KAT7: variants seen among roughly 807,000 people sequenced by gnomAD.
KAT7 encodes the protein lysine acetyltransferase 7.
Under a neutral mutation model 82.1 loss-of-function variants are expected in KAT7, and 10 were observed. The ratio of observed to expected loss-of-function variants is 0.12; its 90% confidence interval spans 0.08 to 0.21. The LOEUF (loss-of-function observed/expected upper bound fraction) is 0.21. Ranked by LOEUF, KAT7 falls within the 10% of genes least tolerant of loss-of-function variation. KAT7 has a pLI of 1.00. For missense variants in KAT7, 378 were observed against 760.9 expected (o/e 0.50, Z 5.92); for synonymous variants, 250 against 262.5 (o/e 0.95, Z 0.46).
At chr17:49,821,918 TAA>T (rs373603649) in intron 11 of KAT7, 128 bp downstream of exon 11, 21,256 of 607,286 alleles carry the variant, frequency 0.035, no homozygotes, top group South Asian at 0.047. Context: ...TTCCTTAAAT[TAA>T]AAAAAAAAAA....
intron 2 of KAT7, chr17:49,795,230 G>A (rs78982875): frequency 0.023 from 3,587 of 154,844 alleles, 134 homozygotes; most frequent in African/African-American, 0.081. Flanking sequence ...CAATGTATAC[G>A]TCTATCAGAA....
chr17:49,823,428 A>C, intron 12 of KAT7, 133 bp downstream of exon 12: 1 of 618,966 alleles, frequency 1.6e-6, no homozygotes, highest in Non-Finnish European at 2.9e-6. Flanking sequence ...ATGAATGAAC[A>C]AGTAGGAAAA....
intron 7 of KAT7, among the ~76,000 whole-genome samples, chr17:49,813,124 T>C (rs1165106804): frequency 6.6e-6 from 1 of 151,804 alleles, no homozygotes; most frequent in East Asian, 1.9e-4. Flanking sequence ...AATGATCTTA[T>C]CCTGTCACCC....
chr17:49,805,338 G>A, intron 4 of KAT7, 25 bp from the exon 5 acceptor site: 1 of 1,505,350 alleles, frequency 6.6e-7, no homozygotes, highest in Non-Finnish European at 9.2e-7. Flanking sequence ...TCTTTCTTGA[G>A]ATTAAGTTTT....
At chr17:49,791,828 A>G in intron 1 of KAT7, 58 bp from the exon 2 acceptor site, 3 of 1,539,090 alleles carry the variant, frequency 1.9e-6, no homozygotes, top group Non-Finnish European at 2.7e-6. Context: ...TTTCAATGTT[A>G]ATGCAAACTC....
rs2074418837 is a variant in KAT7, at chr17:49,830,750, C to T, written c.*3248C>T. The T allele has an allele frequency of 6.6e-6, 1 of 152,180 alleles. No individual in the cohort carries two copies. Among genetic ancestry groups the T allele is most frequent in the African/African-American group, 2.4e-5 (1 of 41,414 alleles). The allele number at this position is 152,180 out of a possible 1,614,324, so 9.4% of individuals were successfully genotyped here. ...AGCAGCAAAGCCAGAAACTTCAATT[C>T]TGGTCTGTCTACCTTGATAGCCTGC... is the stretch of plus-strand genomic sequence containing the variant. On this transcript the variant is annotated 3_prime_UTR_variant, in exon 15 of 15. Transcript: ENST00000259021.
At chr17:49,789,023 C>G in intron 1 of KAT7, 174 bp downstream of exon 1, 1 of 507,458 alleles carries the variant, frequency 2.0e-6, no homozygotes, top group Non-Finnish European at 3.4e-6. Context: ...CCGACCCTGG[C>G]CTCGGCCTAT....
intron 7 of KAT7, among the ~76,000 whole-genome samples, chr17:49,813,000 CTTTTTTTTTT>C (rs34339283): frequency 9.7e-6 from 1 of 102,796 alleles, no homozygotes; most frequent in African/African-American, 3.8e-5. Context: ...TGCACCCAGC[CTTTTTTTTTT>C]TTTTTTTTTT....
intron 9 of KAT7, among the ~76,000 whole-genome samples, chr17:49,818,761 G>A (rs1167998672): frequency 6.6e-6 from 1 of 151,114 alleles, no homozygotes; most frequent in Non-Finnish European, 1.5e-5. Flanking sequence ...TTTTTTGAGA[G>A]GGAGTCTTGC....
chr17:49,800,685 G>A (rs34290309), intron 4 of KAT7, among the ~76,000 whole-genome samples: 4,682 of 152,168 alleles, frequency 0.031, 114 homozygotes, highest in Non-Finnish European at 0.04. Context: ...TAAGTTATGA[G>A]GATGTAGCTA....
intron 7 of KAT7, among the ~76,000 whole-genome samples, chr17:49,811,891 A>C (rs2074170561): frequency 6.6e-6 from 1 of 152,226 alleles, no homozygotes; most frequent in African/African-American, 2.4e-5. Context: ...ATGGCACTGG[A>C]AATGTCTGTA....
chr17:49,792,685 A>G (rs929220674), intron 2 of KAT7, among the ~76,000 whole-genome samples: 4 of 152,232 alleles, frequency 2.6e-5, no homozygotes, highest in African/African-American at 9.6e-5. Flanking sequence ...GCAATATTCA[A>G]CACTTTATTA....
chr17:49,809,794 T>C (rs2074138870), intron 6 of KAT7, among the ~76,000 whole-genome samples: 1 of 152,196 alleles, frequency 6.6e-6, no homozygotes, highest in Admixed American at 6.5e-5. Context: ...CAAGAACAGA[T>C]GGTATTTTCT....
chr17:49,789,027 G>C, intron 1 of KAT7, 178 bp downstream of exon 1: 1 of 486,938 alleles, frequency 2.1e-6, no homozygotes, highest in Non-Finnish European at 3.6e-6. Flanking sequence ...CCCTGGCCTC[G>C]GCCTATGCTT....
chr17:49,798,736 A>G (rs1010112997), intron 4 of KAT7, among the ~76,000 whole-genome samples, 178 bp downstream of exon 4: 2 of 152,232 alleles, frequency 1.3e-5, no homozygotes, highest in African/African-American at 4.8e-5. Context: ...CCGATGGTCC[A>G]TAATAATAGA....
chr17:49,801,357 G>A lies in KAT7; in HGVS notation c.580+2799G>A, dbSNP rs146786962. Among the ~76,000 whole-genome samples, 52 of 152,164 alleles carry A rather than the reference G, an allele frequency of 3.4e-4. 1 individual carries two copies. Among genetic ancestry groups the A allele is most frequent in the African/African-American group, 1.2e-3 (49 of 41,500 alleles). On this transcript the variant is annotated intron_variant, in intron 4 of 14. Coordinates refer to ENST00000259021, the MANE Select transcript of KAT7 (RefSeq NM_007067.5). ...GTGCCACCACGCCTGGCTAATTTTT[G>A]TATTTTTTAGTAGAGACAGGGCTTT...
At chr17:49,792,198 A>T (rs1338338424) in intron 2 of KAT7, among the ~76,000 whole-genome samples, 165 bp downstream of exon 2, 1 of 152,202 alleles carries the variant, frequency 6.6e-6, no homozygotes, top group Non-Finnish European at 1.5e-5. Context: ...TCAGGTCTTT[A>T]ACAATGCCTC....
intron 4 of KAT7, among the ~76,000 whole-genome samples, chr17:49,802,987 C>A (rs988789603): frequency 6.6e-6 from 1 of 152,140 alleles, no homozygotes; most frequent in Non-Finnish European, 1.5e-5. Context: ...GTGTTGGCCT[C>A]CCAAAGTGCT....
At chr17:49,795,459 C>T (rs189389066) in intron 2 of KAT7, 242 of 244,530 alleles carry the variant, frequency 9.9e-4, no homozygotes, top group Non-Finnish European at 1.7e-3. Flanking sequence ...GAACCAAACC[C>T]GTTCCAAAGA....
Sources: allele counts gnomAD v4.1 joint callset (sites outside exome capture counted in the v4.1 genomes callset), GRCh38; gene constraint gnomAD v4.1.1; transcripts MANE v1.5; gene names NCBI Gene and HGNC (gene_info 2026-07-23, HGNC 2026-07-21).